The following SDC2 variants were observed in gnomAD, a reference collection of about 807,000 sequenced individuals.
The protein encoded by SDC2 is syndecan 2, also known as syndecan-2.
SDC2 carries 13 observed loss-of-function variants against 22.2 expected under a neutral mutation model. The observed-to-expected ratio is 0.59, with a 90% CI of 0.38 to 0.93. The LOEUF (loss-of-function observed/expected upper bound fraction) is 0.93, where lower values mean the gene tolerates loss of function less well. Ranked by LOEUF, SDC2 falls within the 40% of genes least tolerant of loss-of-function variation. SDC2 has a pLI of 0.00. For synonymous variants in SDC2, 94 were observed against 92.8 expected, an observed-to-expected ratio of 1.01 and a Z score of -0.07; for missense variants, 235 against 246.8, an observed-to-expected ratio of 0.95 and a Z score of 0.32.
intron 2 of SDC2, among the ~76,000 whole-genome samples, chr8:96,594,736 G>T (rs1335613064): frequency 1.3e-5 from 2 of 152,206 alleles, no homozygotes; most frequent in African/African-American, 4.8e-5. Flanking sequence ...AAGAAAAGAG[G>T]TTTAGTTGAC....
intron 2 of SDC2, among the ~76,000 whole-genome samples, chr8:96,597,234 T>C (rs1814892810): frequency 6.6e-6 from 1 of 152,204 alleles, no homozygotes; most frequent in South Asian, 2.1e-4. Flanking sequence ...TCCCAGTCAG[T>C]TCCCAGAACA....
At chr8:96,563,837 C>T (rs751623422) in intron 1 of SDC2, among the ~76,000 whole-genome samples, 1 of 152,146 alleles carries the variant, frequency 6.6e-6, no homozygotes, top group Non-Finnish European at 1.5e-5. Context: ...CTGACAGGCC[C>T]TTTGTCCATA....
intron 1 of SDC2, among the ~76,000 whole-genome samples, chr8:96,571,171 T>C (rs969879069): frequency 2.0e-5 from 3 of 152,222 alleles, no homozygotes; most frequent in African/African-American, 4.8e-5. Flanking sequence ...GTCATACTTC[T>C]GTTGGAGTGT....
intron 1 of SDC2, among the ~76,000 whole-genome samples, chr8:96,555,261 G>A (rs1180428678): frequency 6.6e-6 from 1 of 152,058 alleles, no homozygotes; most frequent in Non-Finnish European, 1.5e-5. Context: ...ATGAAAGAAT[G>A]AATAATGCCG....
intron 1 of SDC2, among the ~76,000 whole-genome samples, chr8:96,495,778 C>T (rs1353720142): frequency 6.6e-6 from 1 of 152,092 alleles, no homozygotes; most frequent in Non-Finnish European, 1.5e-5. Context: ...TGTGTGCTAG[C>T]AGATCCCCAT....
At chr8:96,546,482 C>T (rs564864533) in intron 1 of SDC2, among the ~76,000 whole-genome samples, 2 of 152,190 alleles carry the variant, frequency 1.3e-5, no homozygotes, top group East Asian at 3.9e-4. Flanking sequence ...ACAAAGAAGG[C>T]CCCAGACCAT....
At chr8:96,494,789 C>T (rs891839799) in intron 1 of SDC2, among the ~76,000 whole-genome samples, 1 of 152,204 alleles carries the variant, frequency 6.6e-6, no homozygotes, top group African/African-American at 2.4e-5. Context: ...CCCCCCGCGC[C>T]AGCTTTCCTG....
intron 3 of SDC2, among the ~76,000 whole-genome samples, chr8:96,603,365 C>T (rs1815025220): frequency 6.6e-6 from 1 of 152,156 alleles, no homozygotes; most frequent in Non-Finnish European, 1.5e-5. Context: ...ATTGGTGGAG[C>T]AGAAGAGACC....
intron 2 of SDC2, among the ~76,000 whole-genome samples, chr8:96,601,946 GAT>G (rs34443433): frequency 0.2 from 30,300 of 151,814 alleles, 3,714 homozygotes; most frequent in African/African-American, 0.35. Context: ...TTTTAGTAGA[GAT>G]GAGGTTTCAC....
In SDC2 at chr8:96,611,099, T is replaced by A. The variant is rs1230028941; in HGVS notation, c.*1551T>A. ...TTAACCGAAGAACTAATAAATGGAC[T>A]ACAGTAGCTCACGTTACAGGGAAGG... is the stretch of plus-strand genomic sequence containing the variant. On this transcript the variant is annotated 3_prime_UTR_variant, in exon 5 of 5. Transcript: ENST00000302190. 6.6e-6 allele frequency: 1 copy of A among 152,612 alleles called. No individual in the cohort carries two copies. The highest frequency in any genetic ancestry group is 1.9e-4 in the East Asian group (1 of 5,180). 9.5% of individuals were successfully genotyped at this position (152,612 alleles called of 1,614,324 possible).
chr8:96,578,894 T>C (rs1426921813), intron 1 of SDC2, among the ~76,000 whole-genome samples: 2 of 152,198 alleles, frequency 1.3e-5, no homozygotes, highest in Non-Finnish European at 2.9e-5. Flanking sequence ...TCCCAACTAA[T>C]AAATTTGGAA....
intron 1 of SDC2, among the ~76,000 whole-genome samples, chr8:96,550,212 G>C (rs1173298874): frequency 6.6e-6 from 1 of 152,180 alleles, no homozygotes; most frequent in Non-Finnish European, 1.5e-5. Flanking sequence ...TACAGTTACA[G>C]GTTGGGGTTC....
At chr8:96,607,203 G>A (rs1815095993) in intron 3 of SDC2, among the ~76,000 whole-genome samples, 1 of 150,210 alleles carries the variant, frequency 6.7e-6, no homozygotes, top group African/African-American at 2.4e-5. Context: ...TAATGAAGAG[G>A]TGGTGGAAAT....
chr8:96,592,500 G>C (rs114110727), intron 1 of SDC2, among the ~76,000 whole-genome samples: 3,730 of 152,240 alleles, frequency 0.025, 150 homozygotes, highest in African/African-American at 0.086. Context: ...CTGCCTGTCT[G>C]CTTTATTATT....
At chr8:96,543,776 C>T (rs1415916694) in intron 1 of SDC2, among the ~76,000 whole-genome samples, 1 of 152,182 alleles carries the variant, frequency 6.6e-6, no homozygotes, top group Non-Finnish European at 1.5e-5. Flanking sequence ...TTTTAAAAAT[C>T]ATAACAGTAT....
chr8:96,594,282 A>C (rs61692961), intron 2 of SDC2, among the ~76,000 whole-genome samples: 3,231 of 152,202 alleles, frequency 0.021, 115 homozygotes, highest in African/African-American at 0.075. Flanking sequence ...GCTCCCTCAC[A>C]TGTCAGTGGT....
intron 2 of SDC2, among the ~76,000 whole-genome samples, chr8:96,601,932 G>T (rs2130652248): frequency 6.9e-6 from 1 of 144,240 alleles, no homozygotes; most frequent in South Asian, 2.1e-4. Flanking sequence ...CTAAATTTTT[G>T]AATTTTTAGT....
intron 1 of SDC2, among the ~76,000 whole-genome samples, chr8:96,534,626 G>A (rs934371805): frequency 6.6e-6 from 1 of 151,652 alleles, no homozygotes; most frequent in Non-Finnish European, 1.5e-5. Flanking sequence ...TTGTAGAGAC[G>A]AGGGCTCGTC....
intron 2 of SDC2, among the ~76,000 whole-genome samples, chr8:96,601,370 G>A (rs763679713): frequency 4.6e-5 from 7 of 152,032 alleles, no homozygotes; most frequent in Admixed American, 6.6e-5. Context: ...GGCCAGGCAC[G>A]GTGGCTCACG....
Sources: gnomAD v4.1 joint callset for allele counts (sites outside exome capture counted in the v4.1 genomes callset) on GRCh38, gnomAD v4.1.1 for gene constraint, MANE v1.5 for transcripts, NCBI Gene and HGNC (gene_info 2026-07-23, HGNC 2026-07-21) for gene names.